SLC25A30: variants seen among roughly 807,000 people sequenced by gnomAD.
SLC25A30 encodes solute carrier family 25 member 30.
In SLC25A30, 29 loss-of-function variants were observed where a neutral mutation model predicts 42.7. The ratio of observed to expected loss-of-function variants is 0.68; its 90% CI spans 0.51 to 0.93. SLC25A30 has a LOEUF of 0.93. Ranked by LOEUF, SLC25A30 falls within the 40% of genes least tolerant of loss-of-function variation. The pLI, the probability that SLC25A30 is intolerant of heterozygous loss-of-function variation, is 0.00. For synonymous variants in SLC25A30, 124 were observed against 131.0 expected (o/e 0.95, Z 0.37); for missense variants, 300 against 359.7 (o/e 0.83, Z 1.34).
chr13:45,428,560 T>C, the SLC25A30 span, among the ~76,000 whole-genome samples: 6 of 136,338 alleles, frequency 4.4e-5, no homozygotes, highest in Admixed American at 8.2e-5. Context: ...TCCAGCTCTG[T>C]CACCCAGGCT....
At position 45,399,080 on chromosome 13, in the gene SLC25A30, T is replaced by C; in HGVS notation, c.615-2A>G. The C allele has an allele frequency of 4.4e-6, 7 of 1,581,270 alleles. No homozygotes were observed. Among genetic ancestry groups the C allele is most frequent in the Non-Finnish European group, 6.0e-6 (7 of 1,169,122 alleles). ...GCCAGACCACAGGTGAAGCTTGAGCTATAAAGACACCATTGGAAAAAAAAA... is the reference window on the plus strand; with the variant it reads ...GCCAGACCACAGGTGAAGCTTGAGCCATAAAGACACCATTGGAAAAAAAAA... On this transcript the variant is annotated splice_acceptor_variant, in intron 7 of 9. Transcript: ENST00000519676. LOFTEE classifies it high-confidence loss of function.
At chr13:45,432,596 C>T in the SLC25A30 span, among the ~76,000 whole-genome samples, 1 of 151,846 alleles carries the variant, frequency 6.6e-6, no homozygotes, top group African/African-American at 2.4e-5. Context: ...GAGGTTTACA[C>T]TCAGTACTTT....
Position 45,402,303 on chromosome 13 carries a change from T to C in SLC25A30, c.461A>G (p.Gln154Arg). Residue 154 changes from glutamine to arginine, a missense_variant, in exon 6 of 10, where the codon CAG becomes CGG. Gln to Arg is a conservative substitution (Grantham distance 43). Coordinates refer to ENST00000519676, the MANE Select transcript of SLC25A30 (RefSeq NM_001010875.4). ...CCACAGTCCTCTTGTCCCCTCTTGCTGGTAAATGTTCATGAAGTTGCCTAT... is the reference window on the plus strand; with the variant it reads ...CCACAGTCCTCTTGTCCCCTCTTGCCGGTAAATGTTCATGAAGTTGCCTAT... ...GMIGNFMNIY[Q>R]QEGTRGLWKG... 1 of 1,614,030 alleles carries C rather than the reference T, an allele frequency of 6.2e-7. No individual in the cohort carries two copies. The highest frequency in any genetic ancestry group is 8.5e-7 in the Non-Finnish European group (1 of 1,179,896).
chr13:45,416,750 G>A (rs1312632590), intron 1 of SLC25A30, among the ~76,000 whole-genome samples: 1 of 152,110 alleles, frequency 6.6e-6, no homozygotes, highest in Non-Finnish European at 1.5e-5. Flanking sequence ...TAGCAGCCTG[G>A]GTGACAGAGC....
chr13:45,406,309 C>T (rs1435164946), intron 3 of SLC25A30, among the ~76,000 whole-genome samples: 1 of 152,116 alleles, frequency 6.6e-6, no homozygotes, highest in Non-Finnish European at 1.5e-5. Context: ...TCTTGAACTC[C>T]TGACCTCAGG....
chr13:45,402,875 GAT>G, intron 5 of SLC25A30: 1 of 896,814 alleles, frequency 1.1e-6, no homozygotes, highest in Non-Finnish European at 1.3e-6. Context: ...ACAGCCACAT[GAT>G]ACCTGTTACA....
chr13:45,411,478 T>C lies in SLC25A30; in HGVS notation c.-53A>G, dbSNP rs897121097. On this transcript the variant is annotated splice_region_variant and 5_prime_UTR_variant, in exon 2 of 10. Transcript: ENST00000519676. ...AGAAACATTGCCTCCAGTGCTGTTT[T>C]TCCTGGACACAACAATAAGATATTA... The C allele has an allele frequency of 9.6e-6, 15 of 1,559,496 alleles. No homozygotes were observed. The highest frequency in any genetic ancestry group is 1.1e-5 in the Non-Finnish European group (13 of 1,131,762).
At chr13:45,424,166 T>C in the SLC25A30 span, among the ~76,000 whole-genome samples, 2 of 99,780 alleles carry the variant, frequency 2.0e-5, 1 homozygote, top group South Asian at 7.0e-4. Context: ...TATAGAAATA[T>C]ATCAATATAT....
chr13:45,403,205 T>A (rs7334381), intron 5 of SLC25A30, among the ~76,000 whole-genome samples: 29,330 of 152,186 alleles, frequency 0.19, 3,872 homozygotes, highest in African/African-American at 0.38. Context: ...ATGGCAAAGG[T>A]ACCTTGTATT....
chr13:45,428,821 T>A, the SLC25A30 span, among the ~76,000 whole-genome samples: 1 of 150,780 alleles, frequency 6.6e-6, no homozygotes, highest in African/African-American at 2.4e-5. Flanking sequence ...GCACCTGGCC[T>A]CTTTTTAACT....
chr13:45,406,093 T>C (rs1882479560), intron 3 of SLC25A30, 116 bp from the exon 4 acceptor site: 10 of 925,946 alleles, frequency 1.1e-5, no homozygotes, highest in Non-Finnish European at 1.3e-5. Flanking sequence ...AAACAATTTT[T>C]TTTTTTTGAG....
intron 2 of SLC25A30, among the ~76,000 whole-genome samples, chr13:45,410,014 T>C (rs1882865556): frequency 1.3e-5 from 2 of 152,120 alleles, no homozygotes; most frequent in Admixed American, 1.3e-4. Flanking sequence ...TTGGCCTCAA[T>C]TCTCCCCAGT....
chr13:45,428,849 G>T, the SLC25A30 span, among the ~76,000 whole-genome samples: 1 of 114,708 alleles, frequency 8.7e-6, no homozygotes, highest in Admixed American at 8.5e-5. Flanking sequence ...CCTAATTTGG[G>T]TGGAGAGAGA....
intron 7 of SLC25A30, 76 bp downstream of exon 7, chr13:45,401,007 A>C: frequency 7.6e-7 from 1 of 1,323,936 alleles, no homozygotes; most frequent in South Asian, 1.6e-5. Context: ...AACTTTTCAA[A>C]TATAAGAATA....
chr13:45,401,838 T>A (rs942325389), intron 6 of SLC25A30, among the ~76,000 whole-genome samples: 2 of 152,142 alleles, frequency 1.3e-5, no homozygotes, highest in African/African-American at 4.8e-5. Flanking sequence ...GGCAGGCAGA[T>A]CACCTGAGGT....
chr13:45,423,775 T>TAAATATATAA, the SLC25A30 span, among the ~76,000 whole-genome samples: 1 of 58,548 alleles, frequency 1.7e-5, no homozygotes, highest in Non-Finnish European at 2.9e-5. Flanking sequence ...TAAAAATATA[T>TAAATATATAA]AAATATATAA....
chr13:45,417,810 C>G (rs1883664524), intron 1 of SLC25A30, among the ~76,000 whole-genome samples: 1 of 152,230 alleles, frequency 6.6e-6, no homozygotes, highest in Non-Finnish European at 1.5e-5. Flanking sequence ...CATTAACTTT[C>G]CAGGCAAGTT....
At chr13:45,402,167 C>A in intron 6 of SLC25A30, 108 bp downstream of exon 6, 1 of 762,052 alleles carries the variant, frequency 1.3e-6, no homozygotes, top group Non-Finnish European at 2.2e-6. Flanking sequence ...CACTCCTCTT[C>A]CCTTACTCCA....
rs1404154364 is a variant in SLC25A30 at position 45,395,612 on chromosome 13, A to T, written c.*362T>A. The T allele has an allele frequency of 1.7e-6, 2 of 1,152,408 alleles. No individual in the cohort carries two copies. Among genetic ancestry groups the T allele is most frequent in the Admixed American group, 4.0e-5 (1 of 25,304 alleles). The allele number at this position is 1,152,408 out of a possible 1,614,324, so 71.4% of individuals were successfully genotyped here. ...CAGTGAGCTTTTCTAGAGCAGTCTG[A>T]TTCTCAGTCATGAGCTGAGATGCAT... is the stretch of plus-strand genomic sequence containing the variant. On this transcript the variant is annotated 3_prime_UTR_variant, in exon 10 of 10. Coordinates refer to ENST00000519676, the MANE Select transcript of SLC25A30 (RefSeq NM_001010875.4).
Sources: gnomAD v4.1 joint callset for allele counts (sites outside exome capture counted in the v4.1 genomes callset) on GRCh38, gnomAD v4.1.1 for gene constraint, MANE v1.5 for transcripts, NCBI Gene and HGNC (gene_info 2026-07-23, HGNC 2026-07-21) for gene names.